LPIN2: variants seen among roughly 807,000 people sequenced by gnomAD.
LPIN2 encodes the protein lipin 2, also known as phosphatidate phosphatase LPIN2.
In LPIN2, 55 loss-of-function variants were observed where a neutral mutation model predicts 111.4. The observed-to-expected ratio is 0.49, with a 90% CI of 0.40 to 0.62. LPIN2 has a LOEUF of 0.62. Ranked by LOEUF, LPIN2 falls within the 20% of genes least tolerant of loss-of-function variation. The pLI, the probability that LPIN2 is intolerant of heterozygous loss-of-function variation, is 0.00. For synonymous variants in LPIN2, 425 were observed against 414.0 expected (o/e 1.03, Z -0.32); for missense variants, 992 against 1,112.1 (o/e 0.89, Z 1.54).
rs779054709 is a variant in LPIN2 at position 2,927,847 on chromosome 18, T to C, written c.1621-36A>G. ...CCAACCTGGGTTAGTCTGGGCAATC[T>C]ACTGGCCACACAGCACCTACCTTCT... On this transcript the variant is annotated intron_variant, in intron 11 of 19. Transcript: ENST00000677752. 9 of 1,565,448 alleles carry C rather than the reference T, an allele frequency of 5.7e-6. No individual in the cohort carries two copies. The African/African-American group carries it at 1.2e-4, about 21-fold the overall frequency.
At position 2,951,390 on chromosome 18, in the gene LPIN2, G is replaced by A. The variant is rs113295209; in HGVS notation, c.289-34C>T. On this transcript the variant is annotated intron_variant, in intron 3 of 19. Coordinates refer to ENST00000677752, the MANE Select transcript of LPIN2 (RefSeq NM_001375808.2). ...GAATGGAGAAAGAAAAGTTATCCAT[G>A]ACAAACTCGACAGTGAATTAAAGCA... 3 of 1,535,688 alleles carry A rather than the reference G, an allele frequency of 2.0e-6. No individual in the cohort carries two copies. The African/African-American group carries it at 4.1e-5, about 21-fold the overall frequency.
Position 2,920,117 on chromosome 18 carries a change from A to C in LPIN2, c.*176T>G, listed in dbSNP as rs1421072049. The C allele has an allele frequency of 1.3e-6, 1 of 775,622 alleles. No homozygotes were observed. The highest frequency in any genetic ancestry group is 1.7e-5 in the African/African-American group (1 of 58,464). The allele number at this position is 775,622 out of a possible 1,614,324, so 48.0% of individuals were successfully genotyped here. ...CTTCTCCTTCCAGGAGCTGAGCTGC[A>C]GACCTGCCGAGCCTGAGCAGCTGGC... On this transcript the variant is annotated 3_prime_UTR_variant, in exon 20 of 20. Transcript: ENST00000677752.
chr18:2,965,180 ATACT>A (rs2143242377), intron 1 of LPIN2, among the ~76,000 whole-genome samples: 1 of 152,358 alleles, frequency 6.6e-6, no homozygotes, highest in Non-Finnish European at 1.5e-5. Context: ...AGCAACTACA[ATACT>A]TATTAGAGAC....
Position 2,939,601 on chromosome 18 carries a change from G to A in LPIN2, c.701C>T (p.Thr234Ile), listed in dbSNP as rs760872281. The change falls in exon 6 of 20, where the codon ACC (threonine) becomes ATC (isoleucine). Residue 234 changes from threonine to isoleucine, a missense_variant and splice_region_variant. Physicochemically the swap from Thr to Ile is moderately conservative, Grantham distance 89. Transcript: ENST00000677752. Reference sequence around the variant, plus strand: ...CTTAGGACACGCTGTCTGGGGATAGGTGCTGCAAAGAGAACAAAGACACAC... The same window carrying A: ...CTTAGGACACGCTGTCTGGGGATAGATGCTGCAAAGAGAACAAAGACACAC... The part of the protein sequence containing the change: ...SDGDWSPLET[T>I]YPQTACPKSD... The A allele has an allele frequency of 6.2e-6, 10 of 1,613,096 alleles. No homozygotes were observed. The highest frequency in any genetic ancestry group is 2.2e-5 in the East Asian group (1 of 44,870).
At chr18:3,000,966 A>G (rs2078426644) in intron 1 of LPIN2, among the ~76,000 whole-genome samples, 1 of 137,260 alleles carries the variant, frequency 7.3e-6, no homozygotes, top group African/African-American at 2.6e-5. Flanking sequence ...GAAAATGGGG[A>G]AAAAGAGGGG....
At chr18:2,931,484 C>T in intron 8 of LPIN2, 41 bp from the exon 9 acceptor site, 1 of 1,537,234 alleles carries the variant, frequency 6.5e-7, no homozygotes. Flanking sequence ...TTTATTACAA[C>T]TCCTTGAATT....
At chr18:2,986,547 T>TA (rs1555606339) in intron 1 of LPIN2, among the ~76,000 whole-genome samples, 22 of 135,038 alleles carry the variant, frequency 1.6e-4, no homozygotes, top group African/African-American at 5.2e-4. Flanking sequence ...TTTTTTAATG[T>TA]AAAAAAAAAA....
At chr18:2,981,447 C>T (rs1018250861) in intron 1 of LPIN2, among the ~76,000 whole-genome samples, 4 of 152,188 alleles carry the variant, frequency 2.6e-5, no homozygotes, top group African/African-American at 9.7e-5. Flanking sequence ...TAAGCAAACA[C>T]CTCTTGACCT....
At chr18:2,920,694 C>G in intron 19 of LPIN2, 84 bp downstream of exon 19, 4 of 1,037,610 alleles carry the variant, frequency 3.9e-6, no homozygotes, top group Non-Finnish European at 6.1e-6. Context: ...TCTCAAGGAT[C>G]AGGGGGAAAA....
At chr18:2,924,263 C>T (rs1020208413) in intron 15 of LPIN2, 135 bp downstream of exon 15, 91 of 1,085,904 alleles carry the variant, frequency 8.4e-5, no homozygotes, top group Non-Finnish European at 1.2e-4. Flanking sequence ...CTGGGGACGC[C>T]TCAGAGCATA....
At chr18:2,920,730 G>C in intron 19 of LPIN2, 48 bp downstream of exon 19, 1 of 1,407,296 alleles carries the variant, frequency 7.1e-7, no homozygotes, top group Non-Finnish European at 1.0e-6. Context: ...GTCCCCAACT[G>C]TACCCCTGGC....
rs547246029 is a variant in LPIN2 at position 2,959,460 on chromosome 18, G to C, written c.192+1189C>G. The stretch of plus-strand genomic sequence containing the variant: ...AGTGGTCCTCTACCACATACTTTTA[G>C]GTCTGTGCCAGAAAATGGTGAGGCT... On this transcript the variant is annotated intron_variant, in intron 2 of 19. Transcript: ENST00000677752. Among the ~76,000 whole-genome samples, 7 of 152,266 alleles carry C rather than the reference G, an allele frequency of 4.6e-5. No individual in the cohort carries two copies. The East Asian group carries it at 1.2e-3, about 25-fold the overall frequency.
chr18:3,001,842 T>G (rs905133064), intron 1 of LPIN2, among the ~76,000 whole-genome samples: 1 of 152,164 alleles, frequency 6.6e-6, no homozygotes, highest in Non-Finnish European at 1.5e-5. Flanking sequence ...TTATGTGATA[T>G]AGCCTAATGA....
chr18:2,926,753 G>A lies in LPIN2; in HGVS notation c.1763C>T (p.Pro588Leu). 3 of 1,613,652 alleles carry A rather than the reference G, an allele frequency of 1.9e-6. No individual in the cohort carries two copies. Among genetic ancestry groups the A allele is most frequent in the Non-Finnish European group, 2.5e-6 (3 of 1,180,004 alleles). Reference protein sequence around the residue: ...KSEAPPASDLPSSSKEPAGAR... With the variant: ...KSEAPPASDLLSSSKEPAGAR... ...ACCGGCCGGCTCCTTGGAGCTGGAT[G>A]GCAGGTCACTGGCTGGCGGTGCCTC... Residue 588 changes from proline to leucine, a missense_variant, in exon 13 of 20, where the codon CCA (proline) becomes CTA (leucine). Pro to Leu is a moderately conservative substitution (Grantham distance 98). Transcript: ENST00000677752.
At position 2,951,200 on chromosome 18, in the gene LPIN2, G is replaced by C. The variant is rs376661021; in HGVS notation, c.445C>G (p.Pro149Ala). 4 of 1,613,950 alleles carry C rather than the reference G, an allele frequency of 2.5e-6. No homozygotes were observed. The African/African-American group carries it at 5.3e-5, about 22-fold the overall frequency. The change falls in exon 4 of 20, where the codon CCA becomes GCA. Residue 149 changes from proline to alanine, a missense_variant. This residue lies in a region of LPIN2 where 709 missense variants were observed against 753.2 expected (regional missense o/e 0.94). Coordinates refer to ENST00000677752, the MANE Select transcript of LPIN2 (RefSeq NM_001375808.2). ...CGTTTTTTCTTTTTCACAGAACTTG[G>C]AGTAAAAATTGTCTCTGTTTCCAAG... is the stretch of plus-strand genomic sequence containing the variant. ...HVLETETIFT[P>A]SSVKKKKRRR...
intron 1 of LPIN2, among the ~76,000 whole-genome samples, chr18:2,987,750 C>T (rs1291244704): frequency 1.3e-5 from 2 of 152,032 alleles, no homozygotes; most frequent in Non-Finnish European, 2.9e-5. Flanking sequence ...TTCCTGCCAC[C>T]TTCTTCCATC....
At chr18:2,942,038 C>G (rs902223497) in intron 4 of LPIN2, among the ~76,000 whole-genome samples, 1 of 152,128 alleles carries the variant, frequency 6.6e-6, no homozygotes, top group Admixed American at 6.5e-5. Context: ...TGAGAATATC[C>G]ACATCACTTA....
intron 4 of LPIN2, among the ~76,000 whole-genome samples, chr18:2,942,967 G>C (rs886989180): frequency 6.6e-6 from 1 of 152,228 alleles, no homozygotes; most frequent in Non-Finnish European, 1.5e-5. Context: ...CTTTCAGTCA[G>C]GGCTGGGGGC....
intron 1 of LPIN2, among the ~76,000 whole-genome samples, chr18:2,975,868 G>C (rs575636128): frequency 6.6e-6 from 1 of 152,054 alleles, no homozygotes; most frequent in Non-Finnish European, 1.5e-5. Flanking sequence ...GTATTTTCAG[G>C]GTTGACTATC....
Sources: gnomAD v4.1 joint callset for allele counts (sites outside exome capture counted in the v4.1 genomes callset) on GRCh38, gnomAD v4.1.1 for gene constraint, gnomAD v4.1.1 regional missense constraint, MANE v1.5 for transcripts, NCBI Gene and HGNC (gene_info 2026-07-23, HGNC 2026-07-21) for gene names.